CDH4: variants seen among roughly 807,000 people sequenced by gnomAD.
CDH4 encodes the protein cadherin-4.
Under a neutral mutation model 86.0 loss-of-function variants are expected in CDH4, and 33 were observed. That is an observed-to-expected ratio of 0.38 (90% CI 0.29 to 0.51). The LOEUF (loss-of-function observed/expected upper bound fraction) is 0.51. Ranked by LOEUF, CDH4 falls within the 20% of genes least tolerant of loss-of-function variation. The pLI is 0.86. For synonymous variants in CDH4, 555 were observed against 549.4 expected (o/e 1.01, Z -0.14); for missense variants, 1,114 against 1,307.4 (o/e 0.85, Z 2.28).
intron 2 of CDH4, among the ~76,000 whole-genome samples, chr20:61,561,894 C>T (rs938898686): frequency 1.1e-4 from 17 of 152,256 alleles, no homozygotes; most frequent in East Asian, 7.7e-4. Context: ...TGGCTGCATG[C>T]GCCATGTTTC....
At chr20:61,276,629 G>T (rs1326766455) in intron 2 of CDH4, among the ~76,000 whole-genome samples, 2 of 152,168 alleles carry the variant, frequency 1.3e-5, no homozygotes, top group African/African-American at 2.4e-5. Flanking sequence ...TCTCTCACTG[G>T]CTTTGCTGCT....
At chr20:61,818,690 T>TAAAA (rs749117643) in intron 4 of CDH4, among the ~76,000 whole-genome samples, 1 of 142,792 alleles carries the variant, frequency 7.0e-6, no homozygotes, top group African/African-American at 2.6e-5. Flanking sequence ...ACTAAAAATT[T>TAAAA]AAAAAAAAAA....
At chr20:61,267,744 C>T (rs982923105) in intron 2 of CDH4, among the ~76,000 whole-genome samples, 18 of 152,318 alleles carry the variant, frequency 1.2e-4, no homozygotes, top group African/African-American at 4.3e-4. Context: ...GAGAGGCACA[C>T]TCCCTCTGCT....
intron 2 of CDH4, among the ~76,000 whole-genome samples, chr20:61,680,792 C>G (rs1399495664): frequency 6.6e-6 from 1 of 151,894 alleles, no homozygotes; most frequent in Non-Finnish European, 1.5e-5. Context: ...CAGCCTCAGC[C>G]AGTGCCCTGG....
At chr20:61,534,515 C>T (rs1236772102) in intron 2 of CDH4, among the ~76,000 whole-genome samples, 1 of 152,130 alleles carries the variant, frequency 6.6e-6, no homozygotes, top group East Asian at 1.9e-4. Context: ...GGAAGAGCTC[C>T]CAGCCAGCTG....
At chr20:61,809,160 C>T (rs915892599) in intron 4 of CDH4, among the ~76,000 whole-genome samples, 5 of 152,124 alleles carry the variant, frequency 3.3e-5, no homozygotes, top group South Asian at 2.1e-4. Context: ...TCTGATTCCG[C>T]GAATCCGGGT....
At chr20:61,746,525 G>A (rs1434914080) in intron 3 of CDH4, among the ~76,000 whole-genome samples, 2 of 152,236 alleles carry the variant, frequency 1.3e-5, no homozygotes, top group South Asian at 2.1e-4. Flanking sequence ...GAGAACTGAT[G>A]TGTGGGGAAG....
rs1255502878 is a variant in CDH4, at chr20:61,393,727, T to C, written c.169+138790T>C. Among the ~76,000 whole-genome samples the C allele has an allele frequency of 1.3e-5, 2 of 152,036 alleles. No homozygotes were observed. Among genetic ancestry groups the C allele is most frequent in the Admixed American group, 1.3e-4 (2 of 15,262 alleles). ...GCCTCTGTTGTGTCAGGACAAGATATGTAGCTGGCAGGGTTCTCATGAGGA... is the reference window on the plus strand; with the variant it reads ...GCCTCTGTTGTGTCAGGACAAGATACGTAGCTGGCAGGGTTCTCATGAGGA... On this transcript the variant is annotated intron_variant, in intron 2 of 15. Coordinates refer to ENST00000614565, the MANE Select transcript of CDH4 (RefSeq NM_001794.5). This position sits in a 1 kb window ranked among gnomAD's most constrained non-coding sequence, Gnocchi z 4.3.
At chr20:61,707,001 G>A (rs1362192961) in intron 2 of CDH4, among the ~76,000 whole-genome samples, 1 of 152,246 alleles carries the variant, frequency 6.6e-6, no homozygotes, top group African/African-American at 2.4e-5. Flanking sequence ...GGGTCTGCCT[G>A]CAAGCAATCT....
chr20:61,514,764 C>T (rs2085806225), intron 2 of CDH4, among the ~76,000 whole-genome samples: 1 of 152,230 alleles, frequency 6.6e-6, no homozygotes, highest in African/African-American at 2.4e-5. Context: ...TTTATTGTGC[C>T]TCTCAAAACA....
intron 6 of CDH4, among the ~76,000 whole-genome samples, chr20:61,868,644 G>T (rs552292945): frequency 6.6e-6 from 1 of 152,198 alleles, no homozygotes; most frequent in South Asian, 2.1e-4. Context: ...CATGCTAAGC[G>T]GTGTCCTCCA....
intron 4 of CDH4, among the ~76,000 whole-genome samples, chr20:61,841,686 G>A (rs1166432706): frequency 7.4e-6 from 1 of 135,350 alleles, no homozygotes; most frequent in Non-Finnish European, 1.7e-5. Flanking sequence ...GGGAAAGTAA[G>A]GAGGTGCATT....
chr20:61,502,909 A>G (rs1231797968), intron 2 of CDH4, among the ~76,000 whole-genome samples: 1 of 152,166 alleles, frequency 6.6e-6, no homozygotes, highest in East Asian at 1.9e-4. Flanking sequence ...TTGTTGGGGC[A>G]ATTTATTTAC....
intron 2 of CDH4, among the ~76,000 whole-genome samples, chr20:61,320,429 G>C (rs1476172774): frequency 6.6e-6 from 1 of 152,116 alleles, no homozygotes; most frequent in Non-Finnish European, 1.5e-5. Flanking sequence ...GTGTGGGTGA[G>C]ACTGGAGTGT....
chr20:61,785,808 G>C (rs529212885), intron 4 of CDH4, among the ~76,000 whole-genome samples: 2 of 152,182 alleles, frequency 1.3e-5, no homozygotes, highest in South Asian at 4.1e-4. Flanking sequence ...CTTTCTTAGA[G>C]GGCAGAGGCC....
In CDH4 at chr20:61,811,269, G is replaced by GC. The variant is rs962881427; in HGVS notation, c.577-33399_577-33398insC. 2.6e-5 allele frequency among the ~76,000 whole-genome samples: 4 copies of GC among 152,210 alleles called. No individual in the cohort carries two copies. The highest frequency in any genetic ancestry group is 1.5e-5 in the Non-Finnish European group (1 of 68,032). The stretch of plus-strand genomic sequence containing the variant: ...TCCAAACGGCTTGAACTTTGGCAAG[G>GC]AGCTTTTCCTGAAAGCTGGGATCCA... On this transcript the variant is annotated intron_variant, in intron 4 of 15. Transcript: ENST00000614565. The surrounding 1 kb of genome is among the most constrained non-coding windows in gnomAD (Gnocchi z 4.4).
chr20:61,599,885 C>A (rs2086585308), intron 2 of CDH4: 2 of 985,382 alleles, frequency 2.0e-6, no homozygotes, highest in Admixed American at 1.2e-4. Flanking sequence ...TCTTCTCAGC[C>A]GTGCACTCAC....
chr20:61,861,276 C>T (rs907047792), intron 6 of CDH4, among the ~76,000 whole-genome samples: 8 of 152,198 alleles, frequency 5.3e-5, no homozygotes, highest in African/African-American at 1.9e-4. Flanking sequence ...CACAGAAATG[C>T]GGCCGGCGGC....
chr20:61,491,881 ATGT>A (rs1273232680), intron 2 of CDH4, among the ~76,000 whole-genome samples: 3 of 149,604 alleles, frequency 2.0e-5, no homozygotes, highest in African/African-American at 7.4e-5. Context: ...GATGGTATTG[ATGT>A]TGGTGTTGTC....
Sources: allele counts gnomAD v4.1 joint callset (sites outside exome capture counted in the v4.1 genomes callset), GRCh38; gene constraint gnomAD v4.1.1; non-coding constraint Gnocchi (gnomAD v3.1); transcripts MANE v1.5; gene names NCBI Gene and HGNC (gene_info 2026-07-23, HGNC 2026-07-21).